Variants in PDE1C observed in about 807,000 individuals in gnomAD.
The protein encoded by PDE1C is phosphodiesterase 1C.
Under a neutral mutation model 93.1 loss-of-function variants are expected in PDE1C, and 62 were observed. The observed-to-expected ratio is 0.67, with a 90% confidence interval of 0.54 to 0.82. PDE1C has a LOEUF of 0.82. Among genes scored for constraint, PDE1C ranks in the 40% least tolerant of loss-of-function variants. The pLI, the probability that PDE1C is intolerant of heterozygous loss-of-function variation, is 0.00. For synonymous variants in PDE1C, 325 were observed against 310.1 expected, an observed-to-expected ratio of 1.05 and a Z score of -0.50; for missense variants, 742 against 884.6, an observed-to-expected ratio of 0.84 and a Z score of 2.04.
intron 9 of PDE1C, among the ~76,000 whole-genome samples, chr7:31,842,586 T>C (rs1245689234): frequency 6.6e-6 from 1 of 152,138 alleles, no homozygotes; most frequent in Non-Finnish European, 1.5e-5. Context: ...AAGTTGTTTG[T>C]AACATTTTCT....
intron 1 of PDE1C, among the ~76,000 whole-genome samples, chr7:32,256,814 G>A (rs1562624763): frequency 2.6e-5 from 4 of 152,148 alleles, no homozygotes. Context: ...TTAAATACAA[G>A]CTATATTAAA....
At chr7:31,754,099 A>T (rs1461718372) in intron 17 of PDE1C, among the ~76,000 whole-genome samples, 2 of 152,246 alleles carry the variant, frequency 1.3e-5, no homozygotes, top group Non-Finnish European at 2.9e-5. Flanking sequence ...ACATCTGAAC[A>T]GACTTCACAC....
At chr7:32,397,791 A>C (rs1392318208) in intron 1 of PDE1C, among the ~76,000 whole-genome samples, 2 of 152,042 alleles carry the variant, frequency 1.3e-5, no homozygotes, top group African/African-American at 4.8e-5. Context: ...CCAGGTGGGC[A>C]GATCATGAGG....
At chr7:32,313,974 C>T (rs1425415719) in intron 1 of PDE1C, among the ~76,000 whole-genome samples, 1 of 151,830 alleles carries the variant, frequency 6.6e-6, no homozygotes, top group Non-Finnish European at 1.5e-5. Flanking sequence ...TCCTAAGTAG[C>T]TGCTATTTTG....
intron 14 of PDE1C, 96 bp downstream of exon 14, chr7:31,822,977 T>C: frequency 1.0e-6 from 1 of 996,064 alleles, no homozygotes; most frequent in Non-Finnish European, 1.5e-6. Context: ...TGAATCTGCA[T>C]CCTGAGCAAC....
chr7:31,967,494 C>T (rs11486831), intron 2 of PDE1C, among the ~76,000 whole-genome samples: 2 of 151,936 alleles, frequency 1.3e-5, no homozygotes, highest in African/African-American at 2.4e-5. Flanking sequence ...AGAAAGTCCA[C>T]GACCAGATGG....
At chr7:31,736,192 C>T in the PDE1C span, among the ~76,000 whole-genome samples, 839 of 152,282 alleles carry the variant, frequency 5.5e-3, 8 homozygotes, top group African/African-American at 0.019. Context: ...GACGCACTCT[C>T]GTTCCAGGTC....
chr7:31,820,083 T>C (rs1240960289), intron 14 of PDE1C, among the ~76,000 whole-genome samples: 1 of 152,050 alleles, frequency 6.6e-6, no homozygotes, highest in African/African-American at 2.4e-5. Flanking sequence ...GAGAAAAATA[T>C]GTAAACGAAT....
At chr7:31,734,480 C>T in the PDE1C span, among the ~76,000 whole-genome samples, 4 of 152,086 alleles carry the variant, frequency 2.6e-5, no homozygotes, top group Admixed American at 6.6e-5. Context: ...CCTGGGACGC[C>T]ACAGGATATT....
chr7:31,767,439 C>T (rs1459249796), intron 17 of PDE1C, among the ~76,000 whole-genome samples: 1 of 152,136 alleles, frequency 6.6e-6, no homozygotes, highest in Non-Finnish European at 1.5e-5. Context: ...CCTCCTGTTT[C>T]CTGCTGCTCT....
the PDE1C span, among the ~76,000 whole-genome samples, chr7:31,629,606 T>C: frequency 1.3e-5 from 2 of 152,318 alleles, no homozygotes; most frequent in East Asian, 3.9e-4. Context: ...GCAGTGCGAA[T>C]TTTATCTTTC....
intron 2 of PDE1C, among the ~76,000 whole-genome samples, chr7:32,032,912 G>A (rs1436636344): frequency 6.6e-6 from 1 of 152,148 alleles, no homozygotes; most frequent in East Asian, 1.9e-4. Flanking sequence ...TAATGCAGCA[G>A]CAAAGCTCGG....
chr7:32,172,880 G>A (rs1394921879), intron 2 of PDE1C, among the ~76,000 whole-genome samples: 14 of 148,440 alleles, frequency 9.4e-5, no homozygotes. Context: ...AGGCTGTGGA[G>A]AAATAGGAAC....
intron 17 of PDE1C, among the ~76,000 whole-genome samples, chr7:31,769,598 T>G (rs1191237220): frequency 6.6e-6 from 1 of 152,214 alleles, no homozygotes; most frequent in Non-Finnish European, 1.5e-5. Context: ...TTAAATTTTT[T>G]ATTGAGATAT....
intron 2 of PDE1C, among the ~76,000 whole-genome samples, chr7:31,897,082 A>G (rs146176306): frequency 5.4e-4 from 83 of 152,300 alleles, no homozygotes; most frequent in African/African-American, 1.8e-3. Flanking sequence ...CGATGAAGCA[A>G]TTGTGTACGT....
At chr7:31,648,716 T>C in the PDE1C span, among the ~76,000 whole-genome samples, 1 of 152,232 alleles carries the variant, frequency 6.6e-6, no homozygotes, top group Non-Finnish European at 1.5e-5. Flanking sequence ...GAAGTGAATT[T>C]GAACCAGTTG....
intron 1 of PDE1C, among the ~76,000 whole-genome samples, chr7:32,261,501 C>T (rs1291306016): frequency 6.6e-6 from 1 of 152,150 alleles, no homozygotes; most frequent in Non-Finnish European, 1.5e-5. Context: ...TCTCGCACAG[C>T]CAGCTCTGCG....
intron 3 of PDE1C, among the ~76,000 whole-genome samples, chr7:32,080,334 C>G (rs1796587230): frequency 6.6e-6 from 1 of 152,126 alleles, no homozygotes; most frequent in South Asian, 2.1e-4. Flanking sequence ...TACCAATTGA[C>G]CAATGACCAA....
At chr7:31,750,287 G>A (rs1365380479), downstream of PDE1C, among the ~76,000 whole-genome samples, 1 of 42,872 alleles carries the variant, frequency 2.3e-5, no homozygotes, top group South Asian at 2.6e-3. Context: ...GTAGATGAAG[G>A]CCCAAGGAGG....
Sources: gnomAD v4.1 joint callset for allele counts (sites outside exome capture counted in the v4.1 genomes callset) on GRCh38, gnomAD v4.1.1 for gene constraint, MANE v1.5 for transcripts, NCBI Gene and HGNC (gene_info 2026-07-23, HGNC 2026-07-21) for gene names.